FAM53B: variants seen among roughly 807,000 people sequenced by gnomAD.
FAM53B encodes the protein family with sequence similarity 53 member B, also known as protein FAM53B.
Under a neutral mutation model 32.7 loss-of-function variants are expected in FAM53B, and 12 were observed. The ratio of observed to expected loss-of-function variants is 0.37; its 90% CI spans 0.24 to 0.59. The LOEUF is 0.59. Among genes scored for constraint, FAM53B ranks in the 20% least tolerant of loss-of-function variants. The pLI, the probability that FAM53B is intolerant of heterozygous loss-of-function variation, is 0.72. For missense variants in FAM53B, 477 were observed against 577.7 expected, an observed-to-expected ratio of 0.83 and a Z score of 1.79; for synonymous variants, 234 against 228.7, an observed-to-expected ratio of 1.02 and a Z score of -0.21.
chr10:124,728,861 G>A (rs992979428), intron 1 of FAM53B, among the ~76,000 whole-genome samples: 2 of 152,228 alleles, frequency 1.3e-5, no homozygotes, highest in South Asian at 4.1e-4. Flanking sequence ...ATTTCTCTTT[G>A]AAACAGCAAC....
At chr10:124,721,358 G>A (rs1182903719) in intron 1 of FAM53B, among the ~76,000 whole-genome samples, 5 of 152,354 alleles carry the variant, frequency 3.3e-5, no homozygotes, top group South Asian at 2.1e-4. Flanking sequence ...GACTAGAACT[G>A]TGATGTTCAC....
At chr10:124,658,290 C>T (rs1196345545) in intron 4 of FAM53B, among the ~76,000 whole-genome samples, 1 of 152,214 alleles carries the variant, frequency 6.6e-6, no homozygotes, top group Non-Finnish European at 1.5e-5. Context: ...CACAATGCCA[C>T]CCAAGGAGGT....
At chr10:124,634,416 T>C (rs1949412988) in intron 4 of FAM53B, among the ~76,000 whole-genome samples, 2 of 152,298 alleles carry the variant, frequency 1.3e-5, no homozygotes, top group East Asian at 1.9e-4. Context: ...GTAGTTCCCA[T>C]AATCCCCACG....
At position 124,718,092 on chromosome 10, in the gene FAM53B, G is replaced by A. The variant is rs142432908; in HGVS notation, c.-174-11205C>T. ...TGGGCCTTGGAACACAGCTGCGAGG[G>A]CAGTGATCTCTTTATCTAGGAGGCC... On this transcript the variant is annotated intron_variant, in intron 1 of 4. Coordinates refer to ENST00000337318, the MANE Select transcript of FAM53B (RefSeq NM_014661.4). Among the ~76,000 whole-genome samples the A allele has an allele frequency of 4.6e-5, 7 of 152,064 alleles. No homozygotes were observed. The East Asian group carries it at 1.4e-3, about 29-fold the overall frequency.
intron 4 of FAM53B, among the ~76,000 whole-genome samples, chr10:124,634,099 C>G (rs891571124): frequency 1.3e-5 from 2 of 152,174 alleles, no homozygotes; most frequent in African/African-American, 4.8e-5. Flanking sequence ...GAAACTTGTA[C>G]ACAAACATTT....
intron 1 of FAM53B, chr10:124,713,646 C>T (rs1161254459): frequency 6.6e-6 from 1 of 152,206 alleles, no homozygotes; most frequent in Non-Finnish European, 1.5e-5. Context: ...TTACCAAATG[C>T]TCTGTAATGC....
At position 124,742,889 on chromosome 10, in the gene FAM53B, T is replaced by A. The variant is rs999693276; in HGVS notation, c.-175+1124A>T. On this transcript the variant is annotated intron_variant, in intron 1 of 4. Transcript: ENST00000337318. Reference sequence around the variant, plus strand: ...ATTGTACCGTATGGAAGACTCGGAGTGTGGCCTATAGGAGGCAGAATCCCA... The same window carrying A: ...ATTGTACCGTATGGAAGACTCGGAGAGTGGCCTATAGGAGGCAGAATCCCA... 5 of 151,580 alleles carry A rather than the reference T, an allele frequency of 3.3e-5. 1 individual carries two copies. Among genetic ancestry groups the A allele is most frequent in the Non-Finnish European group, 7.4e-5 (5 of 67,928 alleles). The allele number at this position is 151,580 out of a possible 1,614,324, so 9.4% of individuals were successfully genotyped here. A position where few individuals can be genotyped will look rare whatever the true frequency, so the allele number is the denominator to read the frequency against.
chr10:124,712,928 A>T (rs185782639), intron 1 of FAM53B, among the ~76,000 whole-genome samples: 1 of 152,208 alleles, frequency 6.6e-6, no homozygotes, highest in African/African-American at 2.4e-5. Flanking sequence ...CCACCTCCCA[A>T]GTCCTCACCC....
chr10:124,657,835 C>G (rs1035462711), intron 4 of FAM53B, among the ~76,000 whole-genome samples: 2 of 152,200 alleles, frequency 1.3e-5, no homozygotes, highest in Admixed American at 1.3e-4. Context: ...TCAGAGAAAT[C>G]CAATGACTTG....
At chr10:124,694,429 C>A (rs1485145256) in intron 3 of FAM53B, among the ~76,000 whole-genome samples, 4 of 152,258 alleles carry the variant, frequency 2.6e-5, no homozygotes, top group African/African-American at 9.6e-5. Flanking sequence ...GGCCTCAAGA[C>A]CTGGCCCTAC....
intron 1 of FAM53B, among the ~76,000 whole-genome samples, chr10:124,723,833 T>A (rs893677793): frequency 2.0e-5 from 3 of 152,184 alleles, no homozygotes; most frequent in African/African-American, 7.2e-5. Context: ...TATATACACA[T>A]GTGACGCTGC....
chr10:124,733,446 C>A lies in FAM53B; in HGVS notation c.-175+10567G>T, dbSNP rs1329336207. Among the ~76,000 whole-genome samples, 1 of 152,184 alleles carries A rather than the reference C, an allele frequency of 6.6e-6. No homozygotes were observed. The highest frequency in any genetic ancestry group is 1.5e-5 in the Non-Finnish European group (1 of 68,044). On this transcript the variant is annotated intron_variant, in intron 1 of 4. Coordinates refer to ENST00000337318, the MANE Select transcript of FAM53B (RefSeq NM_014661.4). This position sits in a 1 kb window ranked among gnomAD's most constrained non-coding sequence, Gnocchi z 4.3. ...CTTTGAGAACACTAGTGAGAACAGG[C>A]TATGACAGAGCCCAGGGGGCACCGA...
chr10:124,620,365 C>CG lies in FAM53B; in HGVS notation c.*2876_*2877insC, dbSNP rs1949301263. On this transcript the variant is annotated 3_prime_UTR_variant, in exon 5 of 5. Transcript: ENST00000337318. ...TGCATGTGGCACTAAGCCCCCCCCA[C>CG]CGCCCCGGCTTTCCTGCAGGCTTAG... 6.8e-6 allele frequency: 1 copy of CG among 147,140 alleles called. No homozygotes were observed. Among genetic ancestry groups the CG allele is most frequent in the African/African-American group, 2.5e-5 (1 of 39,786 alleles). The allele number at this position is 147,140 out of a possible 1,614,324, so 9.1% of individuals were successfully genotyped here.
intron 3 of FAM53B, among the ~76,000 whole-genome samples, chr10:124,693,412 G>T (rs375913772): frequency 6.6e-6 from 1 of 151,288 alleles, no homozygotes; most frequent in Non-Finnish European, 1.5e-5. Flanking sequence ...GGACGTTGCC[G>T]TGGGCCAAGA....
chr10:124,683,689 G>A (rs893282752), intron 3 of FAM53B, among the ~76,000 whole-genome samples: 1 of 152,194 alleles, frequency 6.6e-6, no homozygotes, highest in Non-Finnish European at 1.5e-5. Flanking sequence ...GCCCCAGAGC[G>A]CAGGCCCTTT....
chr10:124,734,093 G>A (rs914481173), intron 1 of FAM53B, among the ~76,000 whole-genome samples: 1 of 152,230 alleles, frequency 6.6e-6, no homozygotes, highest in African/African-American at 2.4e-5. Context: ...CTTCAGCTCA[G>A]TTAGAGAGAC....
rs1409527599 is a variant in FAM53B at position 124,682,223 on chromosome 10, C to T, written c.290G>A (p.Ser97Asn). ...GGGGTTCCCGTTGTGGTCGCTGATG[C>T]TGAGGTCTTTGATCAGACTGGTCAC... ...CAVTSLIKDL[S>N]ISDHNGNPSA... The change falls in exon 4 of 5, where the codon AGC becomes AAC. Residue 97 changes from serine (S) to asparagine (N), a missense_variant. Transcript: ENST00000337318. The surrounding 1 kb of genome is among the most constrained non-coding windows in gnomAD (Gnocchi z 5.2). 2.5e-6 allele frequency: 4 copies of T among 1,614,054 alleles called. No homozygotes were observed. The highest frequency in any genetic ancestry group is 1.6e-4 in the Middle Eastern group (1 of 6,062).
intron 4 of FAM53B, among the ~76,000 whole-genome samples, chr10:124,631,338 G>A (rs1949389885): frequency 6.6e-6 from 1 of 152,282 alleles, no homozygotes; most frequent in East Asian, 1.9e-4. Context: ...AGTTGATCTT[G>A]GGGACAGCCC....
At chr10:124,741,281 T>C (rs1224705036) in intron 1 of FAM53B, among the ~76,000 whole-genome samples, 1 of 152,238 alleles carries the variant, frequency 6.6e-6, no homozygotes, top group Non-Finnish European at 1.5e-5. Flanking sequence ...TATTTCAGTC[T>C]TTTTATTTAA....
Sources: allele counts gnomAD v4.1 joint callset (sites outside exome capture counted in the v4.1 genomes callset), GRCh38; gene constraint gnomAD v4.1.1; non-coding constraint Gnocchi (gnomAD v3.1); transcripts MANE v1.5; gene names NCBI Gene and HGNC (gene_info 2026-07-23, HGNC 2026-07-21).